Variants in RAP1GAP observed in about 807,000 individuals in gnomAD.
RAP1GAP encodes rap1 GTPase-activating protein 1.
Under a neutral mutation model 87.2 loss-of-function variants are expected in RAP1GAP, and 35 were observed. That is an observed-to-expected ratio of 0.40 (90% CI 0.31 to 0.53). The LOEUF (loss-of-function observed/expected upper bound fraction) is 0.53. Among genes scored for constraint, RAP1GAP ranks in the 20% least tolerant of loss-of-function variants. The pLI is 0.48. For missense variants in RAP1GAP, 734 were observed against 898.9 expected (o/e 0.82, Z 2.35); for synonymous variants, 375 against 363.9 (o/e 1.03, Z -0.35).
chr1:21,620,123 C>T, intron 3 of RAP1GAP, 73 bp from the exon 4 acceptor site: 23 of 1,527,710 alleles, frequency 1.5e-5, no homozygotes, highest in Non-Finnish European at 2.0e-5. Flanking sequence ...CCCGCCCCGG[C>T]CCTCCGGGTC....
At chr1:21,625,237 C>T (rs2091437920) in intron 3 of RAP1GAP, among the ~76,000 whole-genome samples, 1 of 152,228 alleles carries the variant, frequency 6.6e-6, no homozygotes, top group Non-Finnish European at 1.5e-5. Flanking sequence ...CAGGCCAGAG[C>T]TCTCAGGGAG....
chr1:21,649,665 G>A (rs1026318723), intron 2 of RAP1GAP, 96 bp downstream of exon 2: 1 of 1,383,596 alleles, frequency 7.2e-7, no homozygotes, highest in African/African-American at 1.4e-5. Flanking sequence ...GCTTGGTAAG[G>A]TCTGGCCTGG....
At chr1:21,601,022 C>CTTTT (rs139287802) in intron 20 of RAP1GAP, among the ~76,000 whole-genome samples, 3 of 141,862 alleles carry the variant, frequency 2.1e-5, no homozygotes, top group Non-Finnish European at 4.6e-5. Flanking sequence ...CTCAGATACT[C>CTTTT]TTTTTTTTTT....
chr1:21,603,420 C>T lies in RAP1GAP; in HGVS notation c.1429-507G>A, dbSNP rs895088362. On this transcript the variant is annotated intron_variant, in intron 18 of 24. Coordinates refer to ENST00000374765, the MANE Select transcript of RAP1GAP (RefSeq NM_002885.4). This position sits in a 1 kb window ranked among gnomAD's most constrained non-coding sequence, Gnocchi z 6.0. Reference sequence around the variant, plus strand: ...TGGGATGCCCCAGGCCCCAGAAGCCCGCCCCCAGCTTCTCTGGAGGCAGGA... The same window carrying T: ...TGGGATGCCCCAGGCCCCAGAAGCCTGCCCCCAGCTTCTCTGGAGGCAGGA... 3.1e-5 allele frequency: 17 copies of T among 553,880 alleles called. No individual in the cohort carries two copies. The East Asian group carries it at 3.3e-4, about 11-fold the overall frequency. The allele number at this position is 553,880 out of a possible 1,614,324, so 34.3% of individuals were successfully genotyped here. A position where few individuals can be genotyped will look rare whatever the true frequency, so the allele number is the denominator to read the frequency against.
intron 16 of RAP1GAP, 89 bp from the exon 17 acceptor site, chr1:21,608,439 G>A: frequency 6.6e-7 from 1 of 1,514,746 alleles, no homozygotes; most frequent in Non-Finnish European, 8.8e-7. Context: ...CTGAGGCACG[G>A]GCCACCTTCT....
chr1:21,664,543 C>T (rs982339385), intron 1 of RAP1GAP, among the ~76,000 whole-genome samples: 2 of 152,208 alleles, frequency 1.3e-5, no homozygotes, highest in African/African-American at 2.4e-5. Flanking sequence ...CCTCCAGGAG[C>T]GCCTCCACTT....
In RAP1GAP at chr1:21,617,320, G is replaced by T; in HGVS notation, c.277C>A (p.His93Asn). The T allele has an allele frequency of 6.3e-7, 1 of 1,579,368 alleles. No homozygotes were observed. The highest frequency in any genetic ancestry group is 2.3e-5 in the East Asian group (1 of 43,432). ...CNPTARIYRKHFLGKEHFNYY... is the reference protein window; with the variant it reads ...CNPTARIYRKNFLGKEHFNYY... The stretch of plus-strand genomic sequence containing the variant: ...CGGCCACCCACCTTGCCGAGAAAGT[G>T]CTTCCGGTAGATGCGGGCTGTGGGG... Residue 93 changes from histidine (H) to asparagine (N), a missense_variant, in exon 7 of 25, where the codon CAC becomes AAC. By Grantham distance (68) the His-to-Asn change is moderately conservative. This residue lies in a region of RAP1GAP where 485 missense variants were observed against 646.2 expected (regional missense o/e 0.75). Coordinates refer to ENST00000374765, the MANE Select transcript of RAP1GAP (RefSeq NM_002885.4).
intron 1 of RAP1GAP, chr1:21,651,419 C>T (rs1306881102): frequency 1.8e-6 from 1 of 559,094 alleles, no homozygotes; most frequent in Admixed American, 1.9e-5. Context: ...TGCGCACACA[C>T]GCATGCACAC....
intron 18 of RAP1GAP, among the ~76,000 whole-genome samples, chr1:21,604,154 C>A (rs1176551830): frequency 6.6e-6 from 1 of 151,716 alleles, no homozygotes; most frequent in Non-Finnish European, 1.5e-5. Flanking sequence ...AGACAGTTAC[C>A]CGGAGACAGG....
intron 1 of RAP1GAP, among the ~76,000 whole-genome samples, chr1:21,652,066 G>A (rs1242414225): frequency 6.6e-6 from 1 of 151,524 alleles, no homozygotes; most frequent in Non-Finnish European, 1.5e-5. Context: ...CAGCCGGGCG[G>A]GGATTGCGGG....
chr1:21,664,957 A>G (rs972100127), intron 1 of RAP1GAP, among the ~76,000 whole-genome samples: 4 of 152,186 alleles, frequency 2.6e-5, no homozygotes, highest in African/African-American at 9.7e-5. Context: ...TCCCCGTTCT[A>G]GGGAGAAAGA....
In RAP1GAP at chr1:21,615,636, C is replaced by T. The variant is rs2081527866; in HGVS notation, c.292-1547G>A. 6.6e-6 allele frequency among the ~76,000 whole-genome samples: 1 copy of T among 152,138 alleles called. No individual in the cohort carries two copies. The highest frequency in any genetic ancestry group is 2.4e-5 in the African/African-American group (1 of 41,418). On this transcript the variant is annotated intron_variant, in intron 7 of 24. Transcript: ENST00000374765. This position sits in a 1 kb window ranked among gnomAD's most constrained non-coding sequence, Gnocchi z 4.5. The stretch of plus-strand genomic sequence containing the variant: ...TGAACTTCTGACCTCAAGTGATCTG[C>T]CCACCTCGGCCTCCCAAAGTGCTGG...
At chr1:21,658,825 T>C (rs1195565288) in intron 1 of RAP1GAP, among the ~76,000 whole-genome samples, 1 of 151,678 alleles carries the variant, frequency 6.6e-6, no homozygotes, top group Non-Finnish European at 1.5e-5. Flanking sequence ...ACAGCATTCA[T>C]GTAGGGAGGT....
intron 1 of RAP1GAP, among the ~76,000 whole-genome samples, chr1:21,659,279 G>T (rs1473935791): frequency 6.6e-6 from 1 of 152,200 alleles, no homozygotes. Context: ...CCAATTGGCC[G>T]TCATAAGAAC....
In RAP1GAP at chr1:21,603,411, C is replaced by G; in HGVS notation, c.1429-498G>C. The G allele has an allele frequency of 3.6e-6, 2 of 551,402 alleles. No individual in the cohort carries two copies. Among genetic ancestry groups the G allele is most frequent in the Non-Finnish European group, 3.2e-6 (1 of 309,550 alleles). The allele number at this position is 551,402 out of a possible 1,614,324, so 34.2% of individuals were successfully genotyped here. On this transcript the variant is annotated intron_variant, in intron 18 of 24. Transcript: ENST00000374765. This position sits in a 1 kb window ranked among gnomAD's most constrained non-coding sequence, Gnocchi z 6.0. ...ACACTGTGCTGGGATGCCCCAGGCC[C>G]CAGAAGCCCGCCCCCAGCTTCTCTG...
intron 2 of RAP1GAP, among the ~76,000 whole-genome samples, chr1:21,648,949 G>C (rs184981281): frequency 4.9e-4 from 75 of 152,236 alleles, no homozygotes; most frequent in African/African-American, 1.7e-3. Context: ...CAGCTGGGGG[G>C]TACTGCAGGA....
chr1:21,617,687 T>C (rs556311885), intron 6 of RAP1GAP, among the ~76,000 whole-genome samples, 196 bp from the exon 7 acceptor site: 20 of 152,182 alleles, frequency 1.3e-4, no homozygotes, highest in African/African-American at 4.8e-4. Context: ...GAGACCCAAG[T>C]CTCTAACAGG....
chr1:21,601,876 G>A (rs578059366), intron 19 of RAP1GAP, 79 bp from the exon 20 acceptor site: 15 of 1,008,334 alleles, frequency 1.5e-5, no homozygotes, highest in South Asian at 3.2e-5. Flanking sequence ...AGGCGGTGAG[G>A]GGAGTCACGG....
At chr1:21,628,796 G>A (rs1390661141) in intron 2 of RAP1GAP, among the ~76,000 whole-genome samples, 1 of 152,024 alleles carries the variant, frequency 6.6e-6, no homozygotes, top group Non-Finnish European at 1.5e-5. Flanking sequence ...GCTGAGGCAG[G>A]AGAATTGCTT....
Sources: gnomAD v4.1 joint callset for allele counts (sites outside exome capture counted in the v4.1 genomes callset) on GRCh38, gnomAD v4.1.1 for gene constraint, gnomAD v4.1.1 regional missense constraint, Gnocchi (gnomAD v3.1) non-coding constraint, MANE v1.5 for transcripts, NCBI Gene and HGNC (gene_info 2026-07-23, HGNC 2026-07-21) for gene names.